The following IL3 variants were observed in gnomAD, a reference collection of about 807,000 sequenced individuals.
The protein encoded by IL3 is interleukin-3.
IL3 carries 15 observed loss-of-function variants against 15.4 expected under a neutral mutation model. The ratio of observed to expected loss-of-function variants is 0.97; its 90% CI spans 0.65 to 1.50. IL3 has a LOEUF of 1.50. Ranked by LOEUF, IL3 falls within the 40% of genes most tolerant of loss-of-function variation. The pLI, the probability that IL3 is intolerant of heterozygous loss-of-function variation, is 0.00. For missense variants in IL3, 162 were observed against 192.2 expected, an observed-to-expected ratio of 0.84 and a Z score of 0.93; for synonymous variants, 74 against 79.3, an observed-to-expected ratio of 0.93 and a Z score of 0.36.
At chr5:132,061,992 C>A (rs771237442) in intron 2 of IL3, among the ~76,000 whole-genome samples, 3 of 152,172 alleles carry the variant, frequency 2.0e-5, no homozygotes, top group African/African-American at 7.2e-5. Context: ...TTGAACTCGA[C>A]CTCAGGTTAT....
chr5:132,060,757 A>T lies in IL3; in HGVS notation c.51A>T (p.Gly17=). The change falls in exon 1 of 5, where the codon GGA becomes GGT. Residue 17 remains glycine, a synonymous_variant. Transcript: ENST00000296870. Reference sequence around the variant, plus strand: ...TGCTCCAACTCCTGGTCCGCCCCGGACTCCAAGCTCCCATGACCCAGACAA... The same window carrying T: ...TGCTCCAACTCCTGGTCCGCCCCGGTCTCCAAGCTCCCATGACCCAGACAA... ...LLLLQLLVRP[G]LQAPMTQTTP... is the part of the protein sequence containing the mutation. 1 of 1,613,892 alleles carries T rather than the reference A, an allele frequency of 6.2e-7. No individual in the cohort carries two copies. Among genetic ancestry groups the T allele is most frequent in the South Asian group, 1.1e-5 (1 of 91,074 alleles).
intron 3 of IL3, 42 bp downstream of exon 3, chr5:132,062,443 C>G: frequency 6.2e-7 from 1 of 1,612,176 alleles, no homozygotes; most frequent in East Asian, 2.2e-5. Flanking sequence ...TGTGTTGGCC[C>G]TGCCCTGCCT....
At chr5:132,061,097 A>T in intron 2 of IL3, 89 bp downstream of exon 2, 1 of 1,201,904 alleles carries the variant, frequency 8.3e-7, no homozygotes, top group Non-Finnish European at 1.2e-6. Flanking sequence ...TGCTTTCTTC[A>T]TCTGTAAAAT....
intron 2 of IL3, among the ~76,000 whole-genome samples, chr5:132,061,526 G>A (rs181396629): frequency 6.6e-6 from 1 of 152,270 alleles, no homozygotes; most frequent in Non-Finnish European, 1.5e-5. Flanking sequence ...CTGAGTTCCT[G>A]GGCCATCTGT....
At chr5:132,061,328 C>G (rs1756474239) in intron 2 of IL3, among the ~76,000 whole-genome samples, 1 of 152,238 alleles carries the variant, frequency 6.6e-6, no homozygotes, top group Non-Finnish European at 1.5e-5. Context: ...TCTGGACTGA[C>G]AGACAGAAAT....
Position 132,060,886 on chromosome 5 carries a change from G to T in IL3, c.162+18G>T. On this transcript the variant is annotated intron_variant, in intron 1 of 4. Transcript: ENST00000296870. ...CTTTGCTGGTGAGTAGCTTGGATAA[G>T]ACTGGCCTGCAGCAGTGAGGGGTGG... 6.2e-7 allele frequency: 1 copy of T among 1,612,708 alleles called. No individual in the cohort carries two copies. The highest frequency in any genetic ancestry group is 1.1e-5 in the South Asian group (1 of 91,052).
chr5:132,062,650 CT>C lies in IL3; in HGVS notation c.337-17del. 1 of 1,614,082 alleles carries C rather than the reference CT, an allele frequency of 6.2e-7. No individual in the cohort carries two copies. Among genetic ancestry groups the C allele is most frequent in the Non-Finnish European group, 8.5e-7 (1 of 1,179,908 alleles). On this transcript the variant is annotated intron_variant, in intron 4 of 4. Transcript: ENST00000296870. ...ACAGCCTGGACTCACCTAATGCCAC[CT>C]TCTTGGTTTCTTTATAGCGACATCC... is the stretch of plus-strand genomic sequence containing the variant.
rs1404113344 is a variant in IL3 at position 132,062,760 on chromosome 5, A to C, written c.428A>C (p.Gln143Pro). ...AAAACCCTTGAGAATGCGCAGGCTC[A>C]ACAGACGACTTTGAGCCTCGCGATC... ...YLKTLENAQA[Q>P]QTTLSLAIF Residue 143 changes from glutamine to proline, a missense_variant, in exon 5 of 5, where the codon CAA becomes CCA. Transcript: ENST00000296870. 5.6e-6 allele frequency: 9 copies of C among 1,614,066 alleles called. No individual in the cohort carries two copies. The Admixed American group carries it at 1.5e-4, about 27-fold the overall frequency.
chr5:132,062,193 A>T, intron 2 of IL3, 119 bp from the exon 3 acceptor site: 1 of 826,200 alleles, frequency 1.2e-6, no homozygotes, highest in Non-Finnish European at 2.1e-6. Context: ...CGGGACTAGG[A>T]GGGAACCCGA....
In IL3 at chr5:132,060,837, C is replaced by T. The variant is rs1414944511; in HGVS notation, c.131C>T (p.Thr44Ile). The T allele has an allele frequency of 6.2e-6, 10 of 1,614,082 alleles. No individual in the cohort carries two copies. Among genetic ancestry groups the T allele is most frequent in the Non-Finnish European group, 8.5e-6 (10 of 1,180,012 alleles). ...NCSNMIDEII[T>I]HLKQPPLPLL... The stretch of plus-strand genomic sequence containing the variant: ...TCTAACATGATCGATGAAATTATAA[C>T]ACACTTAAAGCAGCCACCTTTGCCT... Residue 44 changes from threonine (T) to isoleucine (I), a missense_variant, in exon 1 of 5, where the codon ACA (threonine) becomes ATA (isoleucine). Physicochemically the swap from Thr to Ile is moderately conservative, Grantham distance 89. Coordinates refer to ENST00000296870, the MANE Select transcript of IL3 (RefSeq NM_000588.4).
At chr5:132,061,766 C>G (rs1246797960) in intron 2 of IL3, among the ~76,000 whole-genome samples, 2 of 126,046 alleles carry the variant, frequency 1.6e-5, no homozygotes, top group African/African-American at 6.9e-5. Context: ...CCCTCCCCAC[C>G]CATTTTTTTT....
rs781712251 is a variant in IL3 at position 132,060,755 on chromosome 5, G to A, written c.49G>A (p.Gly17Arg). 14 of 1,613,816 alleles carry A rather than the reference G, an allele frequency of 8.7e-6. No homozygotes were observed. The highest frequency in any genetic ancestry group is 6.7e-5 in the East Asian group (3 of 44,886). Residue 17 changes from glycine (G) to arginine (R), a missense_variant, in exon 1 of 5, where the codon GGA (glycine) becomes AGA (arginine). Physicochemically the swap from Gly to Arg is moderately radical, Grantham distance 125. Transcript: ENST00000296870. Reference protein sequence around the residue: ...LLLLQLLVRPGLQAPMTQTTP... With the variant: ...LLLLQLLVRPRLQAPMTQTTP... ...CCTGCTCCAACTCCTGGTCCGCCCC[G>A]GACTCCAAGCTCCCATGACCCAGAC...
In IL3 at chr5:132,063,153, G is replaced by A. The variant is rs1470738516; in HGVS notation, c.*362G>A. 12 of 202,228 alleles carry A rather than the reference G, an allele frequency of 5.9e-5. No individual in the cohort carries two copies. The highest frequency in any genetic ancestry group is 3.7e-4 in the East Asian group (3 of 8,120). 12.5% of individuals were successfully genotyped at this position (202,228 alleles called of 1,614,324 possible). On this transcript the variant is annotated 3_prime_UTR_variant, in exon 5 of 5. Coordinates refer to ENST00000296870, the MANE Select transcript of IL3 (RefSeq NM_000588.4). Reference sequence around the variant, plus strand: ...TGGGGAGCATGTTCATTTGTACCTCGAGTTTTAAACTGGTTCCTAGGGATG... The same window carrying A: ...TGGGGAGCATGTTCATTTGTACCTCAAGTTTTAAACTGGTTCCTAGGGATG...
chr5:132,063,036 GTATT>G lies in IL3; in HGVS notation c.*258_*261del, dbSNP rs778675288. On this transcript the variant is annotated 3_prime_UTR_variant, in exon 5 of 5. Transcript: ENST00000296870. ...TGAGACTATTTATTTATGTATGTAT[GTATT>G]TATTTATTTATTGCCTGGAGTGTGA... The G allele has an allele frequency of 1.1e-4, 50 of 448,686 alleles. No individual in the cohort carries two copies. Among genetic ancestry groups the G allele is most frequent in the East Asian group, 1.9e-4 (5 of 25,846 alleles). 27.8% of individuals were successfully genotyped at this position (448,686 alleles called of 1,614,324 possible). A position where few individuals can be genotyped will look rare whatever the true frequency, so the allele number is the denominator to read the frequency against.
chr5:132,062,320 C>A lies in IL3; in HGVS notation c.213C>A (p.Asn71Lys), dbSNP rs753436323. The A allele has an allele frequency of 6.2e-7, 1 of 1,613,446 alleles. No individual in the cohort carries two copies. The highest frequency in any genetic ancestry group is 8.5e-7 in the Non-Finnish European group (1 of 1,179,312). Residue 71 changes from asparagine (N) to lysine (K), a missense_variant, in exon 3 of 5, where the codon AAC (asparagine) becomes AAA (lysine). Coordinates refer to ENST00000296870, the MANE Select transcript of IL3 (RefSeq NM_000588.4). ...ATTCTCTGCCCCGTTAGGAAAATAACCTTCGAAGGCCAAACCTGGAGGCAT... is the reference window on the plus strand; with the variant it reads ...ATTCTCTGCCCCGTTAGGAAAATAAACTTCGAAGGCCAAACCTGGAGGCAT... ...GEDQDILMEN[N>K]LRRPNLEAFN...
At position 132,062,697 on chromosome 5, in the gene IL3, A is replaced by G. The variant is rs762984862; in HGVS notation, c.365A>G (p.Asp122Gly). The G allele has an allele frequency of 6.2e-7, 1 of 1,614,224 alleles. No homozygotes were observed. Among genetic ancestry groups the G allele is most frequent in the Admixed American group, 1.7e-5 (1 of 60,030 alleles). The stretch of plus-strand genomic sequence containing the variant: ...CATCCAATCCATATCAAGGACGGTG[A>G]CTGGAATGAATTCCGGAGGAAACTG... ...TRHPIHIKDG[D>G]WNEFRRKLTF... Residue 122 changes from aspartate to glycine, a missense_variant, in exon 5 of 5, where the codon GAC becomes GGC. Coordinates refer to ENST00000296870, the MANE Select transcript of IL3 (RefSeq NM_000588.4).
At position 132,060,993 on chromosome 5, in the gene IL3, C is replaced by A. The variant is rs55698209; in HGVS notation, c.189C>A (p.Asp63Glu). Residue 63 changes from aspartate (D) to glutamate (E), a missense_variant, in exon 2 of 5, where the codon GAC becomes GAA. Transcript: ENST00000296870. ...ACTTCAACAACCTCAATGGGGAAGA[C>A]CAAGACATTCTGATGGTAAGAGCTC... is the stretch of plus-strand genomic sequence containing the variant. ...LLDFNNLNGE[D>E]QDILMENNLR... 4.3e-6 allele frequency: 7 copies of A among 1,614,060 alleles called. No homozygotes were observed. In the Admixed American group the frequency reaches 6.7e-5, roughly 15 times the overall value.
chr5:132,061,616 A>T (rs1756479632), intron 2 of IL3, among the ~76,000 whole-genome samples: 1 of 151,944 alleles, frequency 6.6e-6, no homozygotes, highest in South Asian at 2.1e-4. Context: ...TTTCTAGGAG[A>T]CTTTAATTCA....
intron 2 of IL3, among the ~76,000 whole-genome samples, chr5:132,061,768 ATT>A (rs11314637): frequency 0.034 from 4,003 of 118,382 alleles, 185 homozygotes; most frequent in African/African-American, 0.12. Context: ...CTCCCCACCC[ATT>A]TTTTTTTTTT....
Sources: gnomAD v4.1 joint callset for allele counts (sites outside exome capture counted in the v4.1 genomes callset) on GRCh38, gnomAD v4.1.1 for gene constraint, MANE v1.5 for transcripts, NCBI Gene and HGNC (gene_info 2026-07-23, HGNC 2026-07-21) for gene names.